Variants in PHLPP1 observed in about 807,000 individuals in gnomAD.
The protein encoded by PHLPP1 is PH domain and leucine rich repeat protein phosphatase 1.
In PHLPP1, 42 loss-of-function variants were observed where a neutral mutation model predicts 117.2. The observed-to-expected ratio is 0.36, with a 90% CI of 0.28 to 0.46. The LOEUF is 0.46. Among genes scored for constraint, PHLPP1 ranks in the 20% least tolerant of loss-of-function variants. The probability of loss-of-function intolerance (pLI) is 1.00; values close to 1 mark genes in which losing one functional copy is unlikely to be tolerated. For missense variants in PHLPP1, 2,084 were observed against 2,241.9 expected, an observed-to-expected ratio of 0.93 and a Z score of 1.42; for synonymous variants, 1,042 against 970.7, an observed-to-expected ratio of 1.07 and a Z score of -1.37.
chr18:62,971,714 T>G (rs936113787), intron 14 of PHLPP1, among the ~76,000 whole-genome samples: 1 of 152,114 alleles, frequency 6.6e-6, no homozygotes, highest in African/African-American at 2.4e-5. Flanking sequence ...AGTTGGGGTT[T>G]GTTTGTTTGT....
At chr18:62,727,485 C>G (rs584206) in intron 1 of PHLPP1, among the ~76,000 whole-genome samples, 70,176 of 151,468 alleles carry the variant, frequency 0.46, 19,301 homozygotes, top group Non-Finnish European at 0.61. Context: ...GGCATGGTAG[C>G]ATGCTTGTAG....
In PHLPP1 at chr18:62,975,384, C is replaced by G; in HGVS notation, c.3756-13C>G. ...GCTGTGTTTGAGTGTCACCCCCTCT[C>G]TTCGGATTCCAGGAAACTTGGAACT... On this transcript the variant is annotated splice_polypyrimidine_tract_variant and intron_variant, in intron 15 of 16. Transcript: ENST00000262719. 6.3e-7 allele frequency: 1 copy of G among 1,598,476 alleles called. No homozygotes were observed. The highest frequency in any genetic ancestry group is 8.6e-7 in the Non-Finnish European group (1 of 1,166,818).
intron 12 of PHLPP1, among the ~76,000 whole-genome samples, chr18:62,950,208 A>C (rs918260490): frequency 6.6e-6 from 1 of 152,192 alleles, no homozygotes; most frequent in Non-Finnish European, 1.5e-5. Context: ...TATCTTTAGA[A>C]GATTATTTTC....
intron 1 of PHLPP1, among the ~76,000 whole-genome samples, chr18:62,818,827 A>G (rs948138210): frequency 3.9e-5 from 6 of 152,234 alleles, no homozygotes; most frequent in Admixed American, 2.6e-4. Flanking sequence ...ACTGCCAGAA[A>G]ATGGTTAACA....
At chr18:62,783,044 T>C (rs1050723246) in intron 1 of PHLPP1, among the ~76,000 whole-genome samples, 3 of 151,590 alleles carry the variant, frequency 2.0e-5, no homozygotes, top group African/African-American at 7.3e-5. Flanking sequence ...CTTTAAATAA[T>C]TTAGGGACCA....
At chr18:62,753,973 T>C (rs1235809252) in intron 1 of PHLPP1, among the ~76,000 whole-genome samples, 1 of 152,202 alleles carries the variant, frequency 6.6e-6, no homozygotes, top group Admixed American at 6.5e-5. Context: ...CTGTCACCTA[T>C]TCCTGATTGT....
At chr18:62,892,335 G>A (rs544151176) in intron 4 of PHLPP1, among the ~76,000 whole-genome samples, 20 of 151,580 alleles carry the variant, frequency 1.3e-4, no homozygotes, top group African/African-American at 4.4e-4. Context: ...GTGATCCACC[G>A]GCCTCAGCCT....
chr18:62,958,786 C>A (rs974592659), intron 13 of PHLPP1, 27 bp downstream of exon 13: 1 of 1,611,802 alleles, frequency 6.2e-7, no homozygotes, highest in Non-Finnish European at 8.5e-7. Context: ...GCACTGTATC[C>A]CCATCATTGT....
intron 10 of PHLPP1, among the ~76,000 whole-genome samples, chr18:62,924,250 A>G (rs1428357480): frequency 3.3e-5 from 5 of 152,184 alleles, no homozygotes. Context: ...TTGCTACTTA[A>G]TACAAATCTT....
At chr18:62,880,183 C>G (rs190388547) in intron 4 of PHLPP1, among the ~76,000 whole-genome samples, 195 of 151,452 alleles carry the variant, frequency 1.3e-3, no homozygotes, top group Non-Finnish European at 2.0e-3. Flanking sequence ...TTTATTATAC[C>G]TAGGAAACTT....
intron 10 of PHLPP1, among the ~76,000 whole-genome samples, chr18:62,922,947 A>G (rs1909518403): frequency 6.6e-6 from 1 of 152,082 alleles, no homozygotes; most frequent in East Asian, 1.9e-4. Flanking sequence ...GTCATTCTAA[A>G]CCTGGGTTTT....
intron 1 of PHLPP1, among the ~76,000 whole-genome samples, chr18:62,790,182 G>A (rs1017498431): frequency 6.6e-6 from 1 of 152,166 alleles, no homozygotes; most frequent in Non-Finnish European, 1.5e-5. Flanking sequence ...GTGTTTGGTT[G>A]TCAGTCAGCG....
At chr18:62,858,439 T>C (rs543294541) in intron 3 of PHLPP1, among the ~76,000 whole-genome samples, 288 of 152,186 alleles carry the variant, frequency 1.9e-3, no homozygotes, top group Middle Eastern at 3.4e-3. Context: ...ATTTTTGTAT[T>C]TTTAGTAGAG....
At chr18:62,937,569 G>A (rs547404278) in intron 10 of PHLPP1, among the ~76,000 whole-genome samples, 4 of 152,208 alleles carry the variant, frequency 2.6e-5, no homozygotes, top group South Asian at 2.1e-4. Context: ...CTGTGGACTT[G>A]AGACTGATGA....
At chr18:62,825,106 C>T (rs977548691) in intron 1 of PHLPP1, among the ~76,000 whole-genome samples, 2 of 151,890 alleles carry the variant, frequency 1.3e-5, no homozygotes, top group African/African-American at 4.8e-5. Context: ...CTATGGGCGC[C>T]TGCCACCACG....
intron 10 of PHLPP1, among the ~76,000 whole-genome samples, chr18:62,933,930 A>G (rs942707218): frequency 6.6e-6 from 1 of 152,218 alleles, no homozygotes; most frequent in Admixed American, 6.5e-5. Flanking sequence ...ACATGAATAG[A>G]CACTTCTCAA....
At chr18:62,976,220 G>A (rs1327498765) in intron 16 of PHLPP1, among the ~76,000 whole-genome samples, 1 of 152,112 alleles carries the variant, frequency 6.6e-6, no homozygotes, top group Admixed American at 6.5e-5. Context: ...CAGCTGGGGC[G>A]GAGAGTGCAA....
At chr18:62,822,431 G>A (rs868866516) in intron 1 of PHLPP1, among the ~76,000 whole-genome samples, 8 of 151,524 alleles carry the variant, frequency 5.3e-5, no homozygotes, top group Non-Finnish European at 8.8e-5. Context: ...GCAGACACCC[G>A]CCACCACGCC....
chr18:62,797,510 T>C (rs1033825138), intron 1 of PHLPP1, among the ~76,000 whole-genome samples: 5 of 152,020 alleles, frequency 3.3e-5, no homozygotes, highest in African/African-American at 1.2e-4. Flanking sequence ...GGTAAGGAGG[T>C]GCTAGGGAAT....
Sources: gnomAD v4.1 joint callset for allele counts (sites outside exome capture counted in the v4.1 genomes callset) on GRCh38, gnomAD v4.1.1 for gene constraint, MANE v1.5 for transcripts, NCBI Gene and HGNC (gene_info 2026-07-23, HGNC 2026-07-21) for gene names.